Variants in NUDT4 observed in about 807,000 individuals in gnomAD.
NUDT4 encodes the protein diphosphoinositol polyphosphate phosphohydrolase 2.
Under a neutral mutation model 23.1 loss-of-function variants are expected in NUDT4, and 5 were observed. That is an observed-to-expected ratio of 0.22 (90% CI 0.11 to 0.46). The LOEUF (loss-of-function observed/expected upper bound fraction) is 0.46. Ranked by LOEUF, NUDT4 falls within the 20% of genes least tolerant of loss-of-function variation. NUDT4 has a pLI of 0.99. For missense variants in NUDT4, 96 were observed against 211.6 expected, an observed-to-expected ratio of 0.45 and a Z score of 3.39; for synonymous variants, 50 against 79.0, an observed-to-expected ratio of 0.63 and a Z score of 1.95.
intron 1 of NUDT4, 130 bp downstream of exon 1, chr12:93,378,551 T>G: frequency 7.6e-7 from 1 of 1,309,582 alleles, no homozygotes; most frequent in Non-Finnish European, 9.9e-7. Flanking sequence ...CCCTCCCTCC[T>G]TTCCTCCCTC....
chr12:93,393,819 C>T (rs1300445433), intron 1 of NUDT4, among the ~76,000 whole-genome samples: 2 of 152,144 alleles, frequency 1.3e-5, no homozygotes, highest in South Asian at 2.1e-4. Flanking sequence ...TATCAAGAAT[C>T]GTCTTTATGT....
intron 1 of NUDT4, among the ~76,000 whole-genome samples, chr12:93,392,240 GT>G (rs113092076): frequency 1.2e-3 from 132 of 112,728 alleles, no homozygotes; most frequent in Middle Eastern, 4.7e-3. Flanking sequence ...ATATTCCTTT[GT>G]TTCCCCCCCC....
chr12:93,391,632 G>A (rs1034311861), intron 1 of NUDT4, among the ~76,000 whole-genome samples: 1 of 151,900 alleles, frequency 6.6e-6, no homozygotes. Flanking sequence ...AACTGCTCGG[G>A]AAGCTGGAGT....
chr12:93,380,597 A>T (rs1875591624), intron 1 of NUDT4, among the ~76,000 whole-genome samples: 1 of 152,216 alleles, frequency 6.6e-6, no homozygotes, highest in African/African-American at 2.4e-5. Flanking sequence ...GGAAGACTCT[A>T]GAATTCTCCT....
Position 93,404,523 on chromosome 12 carries a change from A to G in NUDT4, c.*5144A>G, listed in dbSNP as rs1271770354. ...TTGCACAACCAAGCTATGGTCAAAT[A>G]TGTGTGTTGTAGGATTTATGAAACT... On this transcript the variant is annotated 3_prime_UTR_variant, in exon 5 of 5. Transcript: ENST00000415493. The G allele has an allele frequency of 1.3e-5, 2 of 152,194 alleles. No homozygotes were observed. The highest frequency in any genetic ancestry group is 2.9e-5 in the Non-Finnish European group (2 of 68,040). 9.4% of individuals were successfully genotyped at this position (152,194 alleles called of 1,614,324 possible).
rs895527729 is a variant in NUDT4, at chr12:93,402,293, AAAAC to A, written c.*2918_*2921del. Reference sequence around the variant, plus strand: ...AAAAAATGATCATGGCTTTAAAAAAAAAACAAAAACACACACACATGAACTCAGA... The same window carrying A: ...AAAAAATGATCATGGCTTTAAAAAAAAAAAACACACACACATGAACTCAGA... On this transcript the variant is annotated 3_prime_UTR_variant, in exon 5 of 5. Transcript: ENST00000415493. 11 of 152,212 alleles carry A rather than the reference AAAAC, an allele frequency of 7.2e-5. No homozygotes were observed. The highest frequency in any genetic ancestry group is 2.4e-4 in the African/African-American group (10 of 41,452). The allele number at this position is 152,212 out of a possible 1,614,324, so 9.4% of individuals were successfully genotyped here. A position where few individuals can be genotyped will look rare whatever the true frequency, so the allele number is the denominator to read the frequency against.
At chr12:93,387,358 G>T (rs1876183158) in intron 1 of NUDT4, among the ~76,000 whole-genome samples, 1 of 152,162 alleles carries the variant, frequency 6.6e-6, no homozygotes, top group Non-Finnish European at 1.5e-5. Flanking sequence ...GATTCCAAGT[G>T]AATTCAACAG....
Position 93,387,707 on chromosome 12 carries a change from G to A in NUDT4, c.100-6902G>A, listed in dbSNP as rs530249517. On this transcript the variant is annotated intron_variant, in intron 1 of 4. Coordinates refer to ENST00000415493, the MANE Select transcript of NUDT4 (RefSeq NM_019094.6). The stretch of plus-strand genomic sequence containing the variant: ...TGGTCTAGATCTAGTGCTGGGGACC[G>A]CTTCCAAGTGCATGACAGACCCCAG... Among the ~76,000 whole-genome samples the A allele has an allele frequency of 1.5e-4, 23 of 152,162 alleles. No individual in the cohort carries two copies. In the South Asian group the frequency reaches 2.1e-3, roughly 14 times the overall value.
intron 1 of NUDT4, among the ~76,000 whole-genome samples, chr12:93,394,071 C>T (rs983966639): frequency 2.6e-5 from 4 of 152,108 alleles, no homozygotes; most frequent in African/African-American, 9.7e-5. Context: ...GGCACGATCT[C>T]AGTTCATTGC....
At position 93,399,417 on chromosome 12, in the gene NUDT4, C is replaced by T. The variant is rs1290066452; in HGVS notation, c.*38C>T. ...AGGCCTCTCCCACCATGTGCAGTCTCATGGGGAGAGGCTTCTTTCGTTTCC... is the reference window on the plus strand; with the variant it reads ...AGGCCTCTCCCACCATGTGCAGTCTTATGGGGAGAGGCTTCTTTCGTTTCC... On this transcript the variant is annotated 3_prime_UTR_variant, in exon 5 of 5. Coordinates refer to ENST00000415493, the MANE Select transcript of NUDT4 (RefSeq NM_019094.6). 1 of 533,554 alleles carries T rather than the reference C, an allele frequency of 1.9e-6. No individual in the cohort carries two copies. Among genetic ancestry groups the T allele is most frequent in the East Asian group, 2.9e-5 (1 of 34,316 alleles). The allele number at this position is 533,554 out of a possible 1,614,324, so 33.1% of individuals were successfully genotyped here. A position where few individuals can be genotyped will look rare whatever the true frequency, so the allele number is the denominator to read the frequency against.
In NUDT4 at chr12:93,404,908, T is replaced by TTG. The variant is rs1219933637; in HGVS notation, c.*5530_*5531insGT. 2 of 122,684 alleles carry TTG rather than the reference T, an allele frequency of 1.6e-5. No homozygotes were observed. The highest frequency in any genetic ancestry group is 2.0e-4 in the East Asian group (1 of 4,920). 7.6% of individuals were successfully genotyped at this position (122,684 alleles called of 1,614,324 possible). A position where few individuals can be genotyped will look rare whatever the true frequency, so the allele number is the denominator to read the frequency against. Reference sequence around the variant, plus strand: ...TTTAAAATTTTTTTAATGTTTTAGGTTTTTTTTTTTTTAAAAAAAATACTA... The same window carrying TTG: ...TTTAAAATTTTTTTAATGTTTTAGGTTGTTTTTTTTTTTTAAAAAAAATACTA... On this transcript the variant is annotated 3_prime_UTR_variant, in exon 5 of 5. Coordinates refer to ENST00000415493, the MANE Select transcript of NUDT4 (RefSeq NM_019094.6).
At chr12:93,383,404 T>G (rs546079127) in intron 1 of NUDT4, among the ~76,000 whole-genome samples, 1 of 152,358 alleles carries the variant, frequency 6.6e-6, no homozygotes, top group South Asian at 2.1e-4. Context: ...ATAGTGGGTG[T>G]TTCTAATAAC....
At chr12:93,396,171 C>G (rs1415719168) in intron 3 of NUDT4, among the ~76,000 whole-genome samples, 2 of 152,120 alleles carry the variant, frequency 1.3e-5, no homozygotes, top group Non-Finnish European at 2.9e-5. Context: ...GACCTAAGAG[C>G]TTAGGTCTCA....
rs1469364302 is a variant in NUDT4 at position 93,400,678 on chromosome 12, C to G, written c.*1299C>G. On this transcript the variant is annotated 3_prime_UTR_variant, in exon 5 of 5. Coordinates refer to ENST00000415493, the MANE Select transcript of NUDT4 (RefSeq NM_019094.6). ...AGGCTGGAGTGCAATGGCACAATCT[C>G]AACTCACCGCAACCTCCGCCTCCCG... 4 of 152,506 alleles carry G rather than the reference C, an allele frequency of 2.6e-5. No individual in the cohort carries two copies. The East Asian group carries it at 7.7e-4, about 29-fold the overall frequency. 9.4% of individuals were successfully genotyped at this position (152,506 alleles called of 1,614,324 possible).
chr12:93,380,677 G>A (rs1250752238), intron 1 of NUDT4, among the ~76,000 whole-genome samples: 1 of 152,212 alleles, frequency 6.6e-6, no homozygotes, highest in African/African-American at 2.4e-5. Context: ...GTGATTGTGT[G>A]TAGTTGAGGC....
chr12:93,382,433 A>C (rs1875735752), intron 1 of NUDT4, among the ~76,000 whole-genome samples: 1 of 152,142 alleles, frequency 6.6e-6, no homozygotes, highest in African/African-American at 2.4e-5. Context: ...CATGCAGTAA[A>C]GCTTTGGTGG....
chr12:93,383,943 C>T (rs1037454386), intron 1 of NUDT4, among the ~76,000 whole-genome samples: 1 of 152,162 alleles, frequency 6.6e-6, no homozygotes. Context: ...GCTCCCCTTC[C>T]CGGGAACAGA....
chr12:93,384,311 G>A (rs1875906480), intron 1 of NUDT4, among the ~76,000 whole-genome samples: 1 of 152,116 alleles, frequency 6.6e-6, no homozygotes, highest in Non-Finnish European at 1.5e-5. Flanking sequence ...GAGACTACAG[G>A]CGTGTGCTAC....
intron 4 of NUDT4, 107 bp from the exon 5 acceptor site, chr12:93,399,070 C>A: frequency 1.2e-6 from 1 of 811,650 alleles, no homozygotes. Context: ...AATTATTCCC[C>A]AACATATTGT....
Sources: gnomAD v4.1 joint callset for allele counts (sites outside exome capture counted in the v4.1 genomes callset) on GRCh38, gnomAD v4.1.1 for gene constraint, MANE v1.5 for transcripts, NCBI Gene and HGNC (gene_info 2026-07-23, HGNC 2026-07-21) for gene names.